Variants in ETV1 observed in about 807,000 individuals in gnomAD.
ETV1 encodes ETS translocation variant 1.
In ETV1, 27 loss-of-function variants were observed where a neutral mutation model predicts 62.3. The observed-to-expected ratio is 0.43, with a 90% CI of 0.32 to 0.60. ETV1 has a LOEUF of 0.60. Ranked by LOEUF, ETV1 falls within the 20% of genes least tolerant of loss-of-function variation. The pLI is 0.06. For synonymous variants in ETV1, 222 were observed against 199.6 expected (o/e 1.11, Z -0.94); for missense variants, 605 against 605.8 (o/e 1.00, Z 0.01).
intron 6 of ETV1, among the ~76,000 whole-genome samples, chr7:13,952,853 T>G (rs1788993844): frequency 6.6e-6 from 1 of 152,204 alleles, no homozygotes; most frequent in Non-Finnish European, 1.5e-5. Context: ...TGTTGATTCA[T>G]TCCTCTAAAT....
intron 13 of ETV1, among the ~76,000 whole-genome samples, chr7:13,897,294 G>T (rs1781948646): frequency 6.6e-6 from 1 of 152,172 alleles, no homozygotes; most frequent in Non-Finnish European, 1.5e-5. Context: ...GCATTTGCTA[G>T]TTGATTTTTG....
rs35735011 is a variant in ETV1 at position 13,919,565 on chromosome 7, T to TACACACACAC, written c.803-8268_803-8259dup. Among the ~76,000 whole-genome samples the TACACACACAC allele has an allele frequency of 9.2e-3, 1,251 of 135,454 alleles. 47 individuals are homozygous for TACACACACAC. The East Asian group carries it at 0.11, about 12-fold the overall frequency. The allele number at this position is 135,454 out of a possible 152,430, so 88.9% of individuals were successfully genotyped here. Reference sequence around the variant, plus strand: ...GTTAGAAACAACTAAATAGAAACCATACACACACACACACACACACACACA... The same window carrying TACACACACAC: ...GTTAGAAACAACTAAATAGAAACCATACACACACACACACACACACACACACACACACACA... On this transcript the variant is annotated intron_variant, in intron 9 of 13. Transcript: ENST00000430479.
At position 13,936,662 on chromosome 7, in the gene ETV1, A is replaced by G. The variant is rs545987852; in HGVS notation, c.366-766T>C. Among the ~76,000 whole-genome samples, 8 of 152,326 alleles carry G rather than the reference A, an allele frequency of 5.3e-5. No homozygotes were observed. The East Asian group carries it at 1.5e-3, about 29-fold the overall frequency. ...TAACTTTCAGGAATGTGATTTAGCT[A>G]ATTTTGGTCATCTATAAAATATTTT... On this transcript the variant is annotated intron_variant, in intron 7 of 13. Coordinates refer to ENST00000430479, the MANE Select transcript of ETV1 (RefSeq NM_004956.5).
chr7:13,959,812 G>A (rs1789943995), intron 6 of ETV1, among the ~76,000 whole-genome samples: 1 of 149,598 alleles, frequency 6.7e-6, no homozygotes, highest in African/African-American at 2.5e-5. Context: ...GAACCTGGGA[G>A]GCAGAGGTTA....
intron 6 of ETV1, among the ~76,000 whole-genome samples, chr7:13,943,711 A>T (rs1177593406): frequency 1.3e-5 from 2 of 152,230 alleles, no homozygotes; most frequent in African/African-American, 4.8e-5. Context: ...ATGCAAAAAC[A>T]GATGATCTCA....
intron 6 of ETV1, among the ~76,000 whole-genome samples, chr7:13,963,703 G>A (rs185764320): frequency 1.7e-4 from 26 of 152,016 alleles, no homozygotes; most frequent in South Asian, 1.0e-3. Flanking sequence ...TGTACATTAC[G>A]TACACATAAA....
chr7:13,933,486 C>CAGT (rs1169811442), intron 8 of ETV1, among the ~76,000 whole-genome samples: 2 of 152,196 alleles, frequency 1.3e-5, no homozygotes, highest in African/African-American at 4.8e-5. Flanking sequence ...GGCTCCTGCA[C>CAGT]AGTGGGTTCA....
chr7:13,931,550 G>A lies in ETV1; in HGVS notation c.754C>T (p.Pro252Ser). The A allele has an allele frequency of 6.2e-7, 1 of 1,614,044 alleles. No homozygotes were observed. Among genetic ancestry groups the A allele is most frequent in the South Asian group, 1.1e-5 (1 of 91,086 alleles). Reference protein sequence around the residue: ...VGSAASQSFPPPLMIKQEPRD... With the variant: ...VGSAASQSFPSPLMIKQEPRD... ...GGTTCCTGTTTAATCATCAGAGGAG[G>A]GGGAAAGCTTTGGCTGGCCGCACTG... Residue 252 changes from proline to serine, a missense_variant, in exon 9 of 14, where the codon CCT (proline) becomes TCT (serine). Physicochemically the swap from Pro to Ser is moderately conservative, Grantham distance 74 (BLOSUM62 -1). This residue lies in a region of ETV1 where 426 missense variants were observed against 377.8 expected (regional missense o/e 1.13). Transcript: ENST00000430479.
chr7:13,990,154 A>G (rs1583927093), upstream of ETV1, among the ~76,000 whole-genome samples: 1 of 151,988 alleles, frequency 6.6e-6, no homozygotes, highest in East Asian at 1.9e-4. Context: ...CTCGCTCTCT[A>G]TCCTCATTCC....
At chr7:13,930,641 T>C (rs35339127) in intron 9 of ETV1, among the ~76,000 whole-genome samples, 3,810 of 151,948 alleles carry the variant, frequency 0.025, 169 homozygotes, top group African/African-American at 0.088. Flanking sequence ...CCCTCCCTCC[T>C]TTCAGGAAAC....
At chr7:13,957,509 G>A (rs1171177989) in intron 6 of ETV1, among the ~76,000 whole-genome samples, 1 of 152,232 alleles carries the variant, frequency 6.6e-6, no homozygotes, top group Non-Finnish European at 1.5e-5. Context: ...GGTGATCAAA[G>A]AGGATGGTAA....
At chr7:13,987,994 T>C in intron 4 of ETV1, 92 bp downstream of exon 4, 2 of 725,710 alleles carry the variant, frequency 2.8e-6, no homozygotes, top group Admixed American at 2.5e-5. Flanking sequence ...AAGTTTATTA[T>C]TTTTAAGATA....
chr7:13,926,660 C>G (rs771017692), intron 9 of ETV1, among the ~76,000 whole-genome samples: 8 of 151,956 alleles, frequency 5.3e-5, no homozygotes, highest in Non-Finnish European at 8.8e-5. Context: ...CCAACAACAA[C>G]AAAAAATGTG....
At chr7:13,927,303 T>C (rs1351143647) in intron 9 of ETV1, among the ~76,000 whole-genome samples, 2 of 151,590 alleles carry the variant, frequency 1.3e-5, no homozygotes, top group African/African-American at 4.9e-5. Flanking sequence ...TATAGAAAAA[T>C]CAGCTGGACA....
At chr7:13,898,669 T>C (rs1349433990) in intron 13 of ETV1, among the ~76,000 whole-genome samples, 1 of 152,250 alleles carries the variant, frequency 6.6e-6, no homozygotes, top group Admixed American at 6.5e-5. Context: ...ACACCACATA[T>C]GCCCACAAAG....
intron 6 of ETV1, among the ~76,000 whole-genome samples, chr7:13,950,257 G>A (rs1430502018): frequency 1.3e-5 from 2 of 152,092 alleles, no homozygotes; most frequent in African/African-American, 2.4e-5. Context: ...GCTTCCTGAA[G>A]TAGATCCTTA....
At chr7:13,977,584 C>T in intron 5 of ETV1, 104 bp from the exon 6 acceptor site, 2 of 758,658 alleles carry the variant, frequency 2.6e-6, no homozygotes, top group South Asian at 3.4e-5. Flanking sequence ...GGGCTGAGAT[C>T]AAACCTATGA....
intron 9 of ETV1, among the ~76,000 whole-genome samples, chr7:13,912,107 A>G (rs1020572406): frequency 6.6e-6 from 1 of 152,218 alleles, no homozygotes; most frequent in African/African-American, 2.4e-5. Context: ...AAATACTTTT[A>G]TTGACTGCTG....
chr7:13,933,323 G>C (rs1014176238), intron 8 of ETV1, among the ~76,000 whole-genome samples: 7 of 152,164 alleles, frequency 4.6e-5, no homozygotes, highest in Admixed American at 1.3e-4. Flanking sequence ...CAAGGTTTTG[G>C]TGCAATTCTT....
Sources: allele counts gnomAD v4.1 joint callset (sites outside exome capture counted in the v4.1 genomes callset), GRCh38; gene constraint gnomAD v4.1.1; regional missense constraint gnomAD v4.1.1; transcripts MANE v1.5; gene names NCBI Gene and HGNC (gene_info 2026-07-23, HGNC 2026-07-21).